Variants in PPP2R2D observed in about 807,000 individuals in gnomAD.
PPP2R2D encodes the protein serine/threonine-protein phosphatase 2A 55 kDa regulatory subunit B delta isoform.
PPP2R2D carries 9 observed loss-of-function variants against 31.1 expected under a neutral mutation model. The observed-to-expected ratio is 0.29, with a 90% CI of 0.17 to 0.51. The LOEUF (loss-of-function observed/expected upper bound fraction) is 0.51. Ranked by LOEUF, PPP2R2D falls within the 20% of genes least tolerant of loss-of-function variation. The pLI is 0.98. For synonymous variants in PPP2R2D, 179 were observed against 172.6 expected (o/e 1.04, Z -0.29); for missense variants, 391 against 465.6 (o/e 0.84, Z 1.48).
intron 2 of PPP2R2D, among the ~76,000 whole-genome samples, chr10:131,924,116 G>T (rs534316400): frequency 2.6e-5 from 4 of 152,230 alleles, no homozygotes; most frequent in African/African-American, 7.2e-5. Flanking sequence ...TCCATGAGTT[G>T]TGTTTTCAGT....
chr10:131,927,063 G>A (rs1339001791), intron 2 of PPP2R2D, among the ~76,000 whole-genome samples: 4 of 152,246 alleles, frequency 2.6e-5, no homozygotes, highest in East Asian at 3.8e-4. Flanking sequence ...TGGAAGCAGT[G>A]GCTTCTTCCA....
intron 8 of PPP2R2D, among the ~76,000 whole-genome samples, chr10:131,949,467 A>G (rs984443558): frequency 3.3e-5 from 5 of 152,232 alleles, no homozygotes; most frequent in African/African-American, 7.2e-5. Flanking sequence ...ATTTCGTCAC[A>G]TTAAAATCAT....
At chr10:131,951,701 A>G (rs914968226) in intron 8 of PPP2R2D, among the ~76,000 whole-genome samples, 1 of 152,044 alleles carries the variant, frequency 6.6e-6, no homozygotes, top group Non-Finnish European at 1.5e-5. Context: ...CATGCCTTTA[A>G]TCCCACCACT....
At chr10:131,925,478 CATTCCTAGGATATGGT>C (rs1226933953) in intron 2 of PPP2R2D, among the ~76,000 whole-genome samples, 1 of 152,200 alleles carries the variant, frequency 6.6e-6, no homozygotes, top group African/African-American at 2.4e-5. Context: ...ACCAACCTTG[CATTCCTAGGATATGGT>C]ATACTTCTCA....
intron 2 of PPP2R2D, among the ~76,000 whole-genome samples, chr10:131,923,319 C>T (rs1237085172): frequency 6.6e-6 from 1 of 152,166 alleles, no homozygotes; most frequent in Non-Finnish European, 1.5e-5. Flanking sequence ...AGTCCTCCCT[C>T]CTTTCCTGGT....
In PPP2R2D at chr10:131,944,005, C is replaced by T. The variant is rs1288670686; in HGVS notation, c.515C>T (p.Ala172Val). Residue 172 changes from alanine (A) to valine (V), a missense_variant, in exon 6 of 9, where the codon GCG becomes GTG. Physicochemically the swap from Ala to Val is moderately conservative, Grantham distance 64 (BLOSUM62 0). Transcript: ENST00000455566. The part of the protein sequence containing the change: ...ILKPMDLMVE[A>V]SPRRIFANAH... ...AAGCCCATGGATCTTATGGTAGAAGCGAGTCCACGGCGAATTTTTGCAAAT... is the reference window on the plus strand; with the variant it reads ...AAGCCCATGGATCTTATGGTAGAAGTGAGTCCACGGCGAATTTTTGCAAAT... The T allele has an allele frequency of 1.2e-5, 14 of 1,211,192 alleles. No homozygotes were observed. Among genetic ancestry groups the T allele is most frequent in the Admixed American group, 1.7e-5 (1 of 59,336 alleles). 75.0% of individuals were successfully genotyped at this position (1,211,192 alleles called of 1,614,324 possible).
downstream of PPP2R2D, among the ~76,000 whole-genome samples, chr10:131,961,891 G>A (rs1210239950): frequency 6.6e-6 from 1 of 151,598 alleles, no homozygotes; most frequent in African/African-American, 2.4e-5. Context: ...GCTCCCATCT[G>A]TCCCTAATTT....
Position 131,945,583 on chromosome 10 carries a change from C to A in PPP2R2D, c.820+124C>A. On this transcript the variant is annotated intron_variant, in intron 7 of 8. Transcript: ENST00000455566. The surrounding 1 kb of genome is among the most constrained non-coding windows in gnomAD (Gnocchi z 4.8). Reference sequence around the variant, plus strand: ...CCAGCAAGTCTTCTGCCTCGGCCTCCCGAGTAGCTGGGACCACAGGCAGGT... The same window carrying A: ...CCAGCAAGTCTTCTGCCTCGGCCTCACGAGTAGCTGGGACCACAGGCAGGT... 1 of 1,185,002 alleles carries A rather than the reference C, an allele frequency of 8.4e-7. No homozygotes were observed. The highest frequency in any genetic ancestry group is 1.2e-6 in the Non-Finnish European group (1 of 862,764). The allele number at this position is 1,185,002 out of a possible 1,614,324, so 73.4% of individuals were successfully genotyped here.
At chr10:131,953,007 G>GT (rs2036707522) in intron 8 of PPP2R2D, among the ~76,000 whole-genome samples, 6 of 128,746 alleles carry the variant, frequency 4.7e-5, no homozygotes, top group African/African-American at 9.5e-5. Context: ...TGTGCAGGGG[G>GT]TTCACTGTCT....
chr10:131,949,570 G>A (rs1453239260), intron 8 of PPP2R2D, among the ~76,000 whole-genome samples: 17 of 152,132 alleles, frequency 1.1e-4, no homozygotes, highest in East Asian at 3.9e-4. Context: ...CTGAACCTCC[G>A]AGAAGGCAGC....
At chr10:131,916,856 CGG>C (rs1406301024) in intron 2 of PPP2R2D, among the ~76,000 whole-genome samples, 1 of 141,518 alleles carries the variant, frequency 7.1e-6, no homozygotes, top group African/African-American at 2.7e-5. Context: ...GGACCTCAGG[CGG>C]GTGGAATGAC....
chr10:131,932,919 A>T (rs1225649074), intron 2 of PPP2R2D, among the ~76,000 whole-genome samples: 4 of 152,206 alleles, frequency 2.6e-5, no homozygotes, highest in Admixed American at 2.0e-4. Context: ...TTTCTCTTTT[A>T]AAAGACTCAG....
intron 5 of PPP2R2D, among the ~76,000 whole-genome samples, chr10:131,943,069 A>AT (rs2036469047): frequency 6.6e-6 from 1 of 152,150 alleles, no homozygotes; most frequent in Non-Finnish European, 1.5e-5. Flanking sequence ...ACTATCATTA[A>AT]TTTTTTGTTT....
At position 131,958,427 on chromosome 10, in the gene PPP2R2D, C is replaced by G; in HGVS notation, c.*2464C>G. On this transcript the variant is annotated 3_prime_UTR_variant, in exon 9 of 9. Coordinates refer to ENST00000455566, the MANE Select transcript of PPP2R2D (RefSeq NM_018461.5). ...GAGATGGAGGTGTGTGCTGATCCCCCATCCCCCTGTGGGGATGAAGGTGTG... is the reference window on the plus strand; with the variant it reads ...GAGATGGAGGTGTGTGCTGATCCCCGATCCCCCTGTGGGGATGAAGGTGTG... 1.5e-5 allele frequency: 3 copies of G among 197,216 alleles called. No individual in the cohort carries two copies. The highest frequency in any genetic ancestry group is 1.3e-4 in the South Asian group (2 of 14,850). The allele number at this position is 197,216 out of a possible 1,614,324, so 12.2% of individuals were successfully genotyped here. A position where few individuals can be genotyped will look rare whatever the true frequency, so the allele number is the denominator to read the frequency against.
intron 3 of PPP2R2D, among the ~76,000 whole-genome samples, chr10:131,936,947 C>T (rs1589949006): frequency 2.0e-5 from 3 of 152,212 alleles, no homozygotes; most frequent in Non-Finnish European, 2.9e-5. Flanking sequence ...TGGGTAAGGG[C>T]GGCAGTGCAC....
intron 2 of PPP2R2D, among the ~76,000 whole-genome samples, chr10:131,901,543 G>A (rs1171541591): frequency 6.6e-6 from 1 of 152,062 alleles, no homozygotes; most frequent in Admixed American, 6.5e-5. Flanking sequence ...GGAGGCGTCG[G>A]GCCCGCGGCG....
chr10:131,943,836 G>A (rs1278019043), intron 5 of PPP2R2D, 132 bp from the exon 6 acceptor site: 32 of 607,076 alleles, frequency 5.3e-5, no homozygotes, highest in Middle Eastern at 5.3e-4. Flanking sequence ...TGGTTATTTG[G>A]GGGTATTGCC....
chr10:131,926,766 G>C (rs1410702241), intron 2 of PPP2R2D, among the ~76,000 whole-genome samples: 1 of 152,230 alleles, frequency 6.6e-6, no homozygotes, highest in Non-Finnish European at 1.5e-5. Flanking sequence ...TTGAGTCCCT[G>C]CAGTATGCAC....
At chr10:131,942,924 C>G (rs2036466487) in intron 5 of PPP2R2D, among the ~76,000 whole-genome samples, 1 of 152,040 alleles carries the variant, frequency 6.6e-6, no homozygotes, top group Non-Finnish European at 1.5e-5. Flanking sequence ...ATGAGGGAAG[C>G]CTCCCTACAC....
Sources: gnomAD v4.1 joint callset for allele counts (sites outside exome capture counted in the v4.1 genomes callset) on GRCh38, gnomAD v4.1.1 for gene constraint, Gnocchi (gnomAD v3.1) non-coding constraint, MANE v1.5 for transcripts, NCBI Gene and HGNC (gene_info 2026-07-23, HGNC 2026-07-21) for gene names.